Variants in SLC35F1 observed in about 807,000 individuals in gnomAD.
SLC35F1 encodes the protein solute carrier family 35 member F1.
SLC35F1 carries 14 observed loss-of-function variants against 48.7 expected under a neutral mutation model. The observed-to-expected ratio is 0.29, with a 90% CI of 0.19 to 0.45. The LOEUF is 0.45. Among genes scored for constraint, SLC35F1 ranks in the 20% least tolerant of loss-of-function variants. The probability of loss-of-function intolerance (pLI) is 1.00; values close to 1 mark genes in which losing one functional copy is unlikely to be tolerated. For missense variants in SLC35F1, 404 were observed against 500.0 expected (o/e 0.81, Z 1.83); for synonymous variants, 190 against 202.2 (o/e 0.94, Z 0.51).
At chr6:118,132,017 C>T (rs205976) in intron 1 of SLC35F1, among the ~76,000 whole-genome samples, 4,735 of 152,146 alleles carry the variant, frequency 0.031, 179 homozygotes, top group African/African-American at 0.08. Flanking sequence ...CTTTTTACTA[C>T]TATTTTGTAA....
intron 2 of SLC35F1, among the ~76,000 whole-genome samples, chr6:118,229,699 G>A (rs989197759): frequency 6.6e-6 from 1 of 152,218 alleles, no homozygotes; most frequent in South Asian, 2.1e-4. Context: ...TGTATGTGGA[G>A]TTAGTAGTAG....
At chr6:118,289,608 GT>G (rs1470646546) in intron 7 of SLC35F1, among the ~76,000 whole-genome samples, 6 of 152,128 alleles carry the variant, frequency 3.9e-5, no homozygotes, top group Middle Eastern at 3.4e-3. Context: ...ACCATCCATG[GT>G]TTTGTCATAT....
chr6:118,125,104 C>T (rs930680992), intron 1 of SLC35F1, among the ~76,000 whole-genome samples: 5 of 152,122 alleles, frequency 3.3e-5, no homozygotes, highest in Admixed American at 1.3e-4. Flanking sequence ...TAAAATATGC[C>T]GTGCTTGCAG....
chr6:118,014,196 G>A (rs1466385413), intron 1 of SLC35F1, among the ~76,000 whole-genome samples: 4 of 151,830 alleles, frequency 2.6e-5, no homozygotes, highest in Non-Finnish European at 4.4e-5. Context: ...ATAAGACATC[G>A]TATATAAAAC....
chr6:118,093,950 T>C (rs986697712), intron 1 of SLC35F1, among the ~76,000 whole-genome samples: 3 of 152,198 alleles, frequency 2.0e-5, no homozygotes, highest in Non-Finnish European at 2.9e-5. Context: ...TGACTATGTT[T>C]GACAATAGCA....
intron 1 of SLC35F1, among the ~76,000 whole-genome samples, chr6:118,097,575 T>C (rs1773195303): frequency 6.6e-6 from 1 of 152,194 alleles, no homozygotes; most frequent in African/African-American, 2.4e-5. Flanking sequence ...CTGTCATGAA[T>C]GGGAAATCTG....
chr6:118,133,465 G>A (rs1337943288), intron 1 of SLC35F1, among the ~76,000 whole-genome samples: 2 of 152,118 alleles, frequency 1.3e-5, no homozygotes, highest in Non-Finnish European at 2.9e-5. Context: ...AAAAGAAAAT[G>A]AATTTCCACC....
At chr6:118,204,668 G>C (rs1237280318) in intron 2 of SLC35F1, among the ~76,000 whole-genome samples, 1 of 152,040 alleles carries the variant, frequency 6.6e-6, no homozygotes, top group Non-Finnish European at 1.5e-5. Flanking sequence ...AGCTTTTATT[G>C]AAGTATAACA....
intron 1 of SLC35F1, among the ~76,000 whole-genome samples, chr6:118,128,596 A>G (rs1236049149): frequency 6.6e-6 from 1 of 151,842 alleles, no homozygotes; most frequent in Non-Finnish European, 1.5e-5. Context: ...TCACTCATAG[A>G]TGGGAATTGA....
At chr6:118,272,737 G>GTGTGTGTATATATATATATATATA (rs201515909) in intron 4 of SLC35F1, among the ~76,000 whole-genome samples, 8 of 120,262 alleles carry the variant, frequency 6.7e-5, no homozygotes, top group African/African-American at 2.3e-4. Flanking sequence ...ATATGTGTGT[G>GTGTGTGTATATATATATATATATA]TATATATATA....
At chr6:118,028,572 T>G (rs56731936) in intron 1 of SLC35F1, among the ~76,000 whole-genome samples, 1 of 152,004 alleles carries the variant, frequency 6.6e-6, no homozygotes, top group Non-Finnish European at 1.5e-5. Flanking sequence ...GTTTTAGAGT[T>G]CACAGGTGGA....
intron 1 of SLC35F1, among the ~76,000 whole-genome samples, chr6:118,149,697 T>C (rs1212031103): frequency 6.6e-6 from 1 of 152,164 alleles, no homozygotes; most frequent in African/African-American, 2.4e-5. Context: ...ATTTGTATTC[T>C]CCATCAAATC....
Position 118,206,066 on chromosome 6 carries a change from G to A in SLC35F1, c.350-29443G>A, listed in dbSNP as rs576223531. Among the ~76,000 whole-genome samples the A allele has an allele frequency of 5.3e-5, 8 of 152,240 alleles. No individual in the cohort carries two copies. The East Asian group carries it at 5.8e-4, about 11-fold the overall frequency. On this transcript the variant is annotated intron_variant, in intron 2 of 7. Coordinates refer to ENST00000360388, the MANE Select transcript of SLC35F1 (RefSeq NM_001029858.4). ...AGAGTTTTGGGTACAGATGGTGACG[G>A]TGATTTCACAATATTGTAAATGTAT...
chr6:118,289,619 T>A (rs1010826588), intron 7 of SLC35F1, among the ~76,000 whole-genome samples: 1 of 152,208 alleles, frequency 6.6e-6, no homozygotes, highest in African/African-American at 2.4e-5. Flanking sequence ...TTTTGTCATA[T>A]GATTTATTTA....
intron 1 of SLC35F1, among the ~76,000 whole-genome samples, chr6:117,923,757 A>G (rs1254487896): frequency 1.8e-4 from 10 of 55,770 alleles, no homozygotes; most frequent in South Asian, 1.4e-3. Context: ...GTACATATAT[A>G]CATATGCACA....
At chr6:118,292,697 T>C (rs1423915677) in intron 7 of SLC35F1, among the ~76,000 whole-genome samples, 1 of 152,010 alleles carries the variant, frequency 6.6e-6, no homozygotes, top group Non-Finnish European at 1.5e-5. Flanking sequence ...GTTTTTTTTT[T>C]TTTCACTTTC....
chr6:118,028,534 T>C (rs1771991637), intron 1 of SLC35F1, among the ~76,000 whole-genome samples: 1 of 152,070 alleles, frequency 6.6e-6, no homozygotes, highest in South Asian at 2.1e-4. Context: ...AGAGCGACCA[T>C]ATTGAGGAAA....
At chr6:118,154,196 GT>G (rs1774105249) in intron 1 of SLC35F1, among the ~76,000 whole-genome samples, 1 of 152,136 alleles carries the variant, frequency 6.6e-6, no homozygotes, top group Admixed American at 6.5e-5. Context: ...TCAAATTCCA[GT>G]TTTGCCACTT....
At chr6:118,255,271 C>T (rs115305187) in intron 3 of SLC35F1, among the ~76,000 whole-genome samples, 1 of 152,182 alleles carries the variant, frequency 6.6e-6, no homozygotes, top group Non-Finnish European at 1.5e-5. Flanking sequence ...ATTTCCTCAT[C>T]TGTAAAATGG....
Sources: gnomAD v4.1 joint callset for allele counts (sites outside exome capture counted in the v4.1 genomes callset) on GRCh38, gnomAD v4.1.1 for gene constraint, MANE v1.5 for transcripts, NCBI Gene and HGNC (gene_info 2026-07-23, HGNC 2026-07-21) for gene names.